Variants in RIMS3 observed in about 807,000 individuals in gnomAD.
RIMS3 encodes the protein regulating synaptic membrane exocytosis protein 3.
RIMS3 carries 15 observed loss-of-function variants against 29.2 expected under a neutral mutation model. The observed-to-expected ratio is 0.51, with a 90% CI of 0.34 to 0.79. RIMS3 has a LOEUF of 0.79. RIMS3 is among the 30% of genes least tolerant of loss of function. The pLI is 0.01. For synonymous variants in RIMS3, 161 were observed against 170.1 expected (o/e 0.95, Z 0.41); for missense variants, 342 against 421.4 (o/e 0.81, Z 1.65).
chr1:40,682,645 G>A, the RIMS3 span, among the ~76,000 whole-genome samples: 2 of 151,628 alleles, frequency 1.3e-5, no homozygotes, highest in Admixed American at 1.3e-4. Context: ...AGCTGGTTTG[G>A]ATTTTAAACA....
At chr1:40,682,340 A>G in the RIMS3 span, among the ~76,000 whole-genome samples, 4 of 152,292 alleles carry the variant, frequency 2.6e-5, no homozygotes, top group South Asian at 2.1e-4. Context: ...AAGGACTTAC[A>G]GTCTAGCCAC....
At chr1:40,656,241 A>G (rs1443491994) in intron 1 of RIMS3, among the ~76,000 whole-genome samples, 1 of 152,224 alleles carries the variant, frequency 6.6e-6, no homozygotes, top group Non-Finnish European at 1.5e-5. Context: ...CTCGATAAAT[A>G]AACAAACAGA....
chr1:40,661,359 C>A (rs1478332320), intron 1 of RIMS3, among the ~76,000 whole-genome samples: 2 of 152,252 alleles, frequency 1.3e-5, no homozygotes, highest in East Asian at 1.9e-4. Flanking sequence ...CCTTGGGAAC[C>A]ATTTGCAGAT....
the RIMS3 span, among the ~76,000 whole-genome samples, chr1:40,688,109 C>T: frequency 6.6e-6 from 1 of 152,098 alleles, no homozygotes. Context: ...GGATTACAGG[C>T]GTGTGCCACC....
At chr1:40,638,215 T>C (rs888852732) in intron 3 of RIMS3, among the ~76,000 whole-genome samples, 3 of 152,166 alleles carry the variant, frequency 2.0e-5, no homozygotes. Context: ...ACTCCCAGTC[T>C]GCTGTCATGC....
In RIMS3 at chr1:40,654,616, C is replaced by T. The variant is rs1217347733; in HGVS notation, c.-206-6774G>A. On this transcript the variant is annotated intron_variant, in intron 1 of 7. Transcript: ENST00000372684. This position sits in a 1 kb window ranked among gnomAD's most constrained non-coding sequence, Gnocchi z 5.3. ...ACATGGCATGGAGATGCAGCTACCA[C>T]AGACTCACACACATCACACAGACCC... 2.0e-5 allele frequency among the ~76,000 whole-genome samples: 3 copies of T among 151,936 alleles called. No homozygotes were observed. Among genetic ancestry groups the T allele is most frequent in the Admixed American group, 6.6e-5 (1 of 15,238 alleles).
chr1:40,666,303 A>G (rs1642424933), upstream of RIMS3, among the ~76,000 whole-genome samples: 1 of 152,224 alleles, frequency 6.6e-6, no homozygotes, highest in African/African-American at 2.4e-5. Context: ...ACATTCGACC[A>G]TGTCTGGAGA....
chr1:40,630,540 G>A (rs1646483089), intron 5 of RIMS3, among the ~76,000 whole-genome samples: 1 of 152,210 alleles, frequency 6.6e-6, no homozygotes, highest in Admixed American at 6.5e-5. Flanking sequence ...GGAAGATGGG[G>A]ATTTGCTAAT....
the RIMS3 span, among the ~76,000 whole-genome samples, chr1:40,688,223 A>T: frequency 1.3e-5 from 2 of 152,078 alleles, no homozygotes; most frequent in Non-Finnish European, 2.9e-5. Context: ...TCAGCCTCCC[A>T]AAGTGCTGGA....
At chr1:40,649,666 A>T (rs1186310017) in intron 1 of RIMS3, among the ~76,000 whole-genome samples, 1 of 152,220 alleles carries the variant, frequency 6.6e-6, no homozygotes, top group East Asian at 1.9e-4. Flanking sequence ...TCCTCGCCAG[A>T]CCGGACAAAG....
intron 2 of RIMS3, among the ~76,000 whole-genome samples, chr1:40,645,223 G>C (rs896566978): frequency 1.3e-5 from 2 of 152,186 alleles, no homozygotes; most frequent in African/African-American, 4.8e-5. Flanking sequence ...GTGTGTTTTT[G>C]AGGTATCTGC....
rs1046589161 is a variant in RIMS3, at chr1:40,626,262, C to T, written c.*255G>A. On this transcript the variant is annotated 3_prime_UTR_variant, in exon 8 of 8. Transcript: ENST00000372684. ...GACACAAAGAGACGTGGAGACATTT[C>T]AGCCCATATCATCACCAGGAGTGAC... 1 of 557,348 alleles carries T rather than the reference C, an allele frequency of 1.8e-6. No individual in the cohort carries two copies. The highest frequency in any genetic ancestry group is 3.2e-6 in the Non-Finnish European group (1 of 308,830). The allele number at this position is 557,348 out of a possible 1,614,324, so 34.5% of individuals were successfully genotyped here. A position where few individuals can be genotyped will look rare whatever the true frequency, so the allele number is the denominator to read the frequency against.
chr1:40,677,251 C>T, the RIMS3 span, among the ~76,000 whole-genome samples: 7 of 151,470 alleles, frequency 4.6e-5, no homozygotes, highest in Admixed American at 2.6e-4. Flanking sequence ...GTGATCTGCC[C>T]GCCTCAGCCT....
chr1:40,676,459 G>A, the RIMS3 span, among the ~76,000 whole-genome samples: 1 of 152,278 alleles, frequency 6.6e-6, no homozygotes, highest in East Asian at 1.9e-4. Flanking sequence ...CCTGAGACCC[G>A]CTGATACAAT....
At chr1:40,658,085 T>G (rs1642295949) in intron 1 of RIMS3, among the ~76,000 whole-genome samples, 1 of 152,086 alleles carries the variant, frequency 6.6e-6, no homozygotes, top group Non-Finnish European at 1.5e-5. Context: ...TCAATACAGG[T>G]CAAGAATGAG....
At chr1:40,634,984 T>G (rs1646511167) in intron 4 of RIMS3, among the ~76,000 whole-genome samples, 2 of 150,724 alleles carry the variant, frequency 1.3e-5, no homozygotes, top group African/African-American at 4.9e-5. Context: ...CTGTTCCTGG[T>G]CTGATCACAG....
At chr1:40,629,401 C>G in intron 5 of RIMS3, 29 bp from the exon 6 acceptor site, 1 of 1,587,802 alleles carries the variant, frequency 6.3e-7, no homozygotes, top group Non-Finnish European at 8.7e-7. Context: ...TGAGTCCAGG[C>G]AGGGCCAGAC....
At chr1:40,688,867 G>C in the RIMS3 span, among the ~76,000 whole-genome samples, 1 of 152,184 alleles carries the variant, frequency 6.6e-6, no homozygotes, top group East Asian at 1.9e-4. Flanking sequence ...GTACAGAATG[G>C]CTGACGAGAT....
intron 2 of RIMS3, among the ~76,000 whole-genome samples, chr1:40,646,440 A>G (rs563269192): frequency 2.8e-4 from 43 of 152,242 alleles, no homozygotes; most frequent in South Asian, 1.7e-3. Flanking sequence ...TGCTAAATAA[A>G]CTATACCCTT....
Sources: allele counts gnomAD v4.1 joint callset (sites outside exome capture counted in the v4.1 genomes callset), GRCh38; gene constraint gnomAD v4.1.1; non-coding constraint Gnocchi (gnomAD v3.1); transcripts MANE v1.5; gene names NCBI Gene and HGNC (gene_info 2026-07-23, HGNC 2026-07-21).